ZNF564: variants seen among roughly 807,000 people sequenced by gnomAD.
ZNF564 encodes zinc finger protein 564.
A neutral mutation model predicts 10.5 loss-of-function variants in ZNF564; 5 were observed. That is an observed-to-expected ratio of 0.48 (90% CI 0.25 to 1.00). The LOEUF (loss-of-function observed/expected upper bound fraction) is 1.00. Among genes scored for constraint, ZNF564 ranks in the 50% least tolerant of loss-of-function variants. The probability of loss-of-function intolerance (pLI) is 0.16; values close to 1 mark genes in which losing one functional copy is unlikely to be tolerated. For synonymous variants in ZNF564, 242 were observed against 218.1 expected (o/e 1.11, Z -0.97); for missense variants, 603 against 669.7 (o/e 0.90, Z 1.10).
rs2021697381 is a variant in ZNF564 at position 12,526,929 on chromosome 19, A to C, written c.1179T>G (p.Tyr393Ter). ...HMIKHTGDGP[Y>*]KCQVCGRAFD... ...AGGCTCTACCACATACCTGACATTTATAAGGTCCATCTCCAGTGTGCTTTA... is the reference window on the plus strand; with the variant it reads ...AGGCTCTACCACATACCTGACATTTCTAAGGTCCATCTCCAGTGTGCTTTA... Residue 393 changes from tyrosine to a stop codon, truncating the protein, a stop_gained, in exon 4 of 4, where the codon TAT (tyrosine) becomes TAG (stop). Transcript: ENST00000339282. LOFTEE classifies it low-confidence loss of function (END_TRUNC). 1 of 1,614,040 alleles carries C rather than the reference A, an allele frequency of 6.2e-7. No homozygotes were observed. Among genetic ancestry groups the C allele is most frequent in the African/African-American group, 1.3e-5 (1 of 74,920 alleles).
intron 1 of ZNF564, among the ~76,000 whole-genome samples, chr19:12,535,229 C>T (rs1347995076): frequency 4.0e-5 from 6 of 151,764 alleles, no homozygotes; most frequent in African/African-American, 4.8e-5. Flanking sequence ...AAAAATCAGC[C>T]GGGCATGGTG....
Position 12,531,545 on chromosome 19 carries a change from T to G in ZNF564, c.4-2849A>C, listed in dbSNP as rs188809251. 7.3e-5 allele frequency among the ~76,000 whole-genome samples: 11 copies of G among 151,052 alleles called. 3 individuals carry two copies. Among genetic ancestry groups the G allele is most frequent in the African/African-American group, 2.7e-4 (11 of 41,064 alleles). On this transcript the variant is annotated intron_variant, in intron 1 of 3. Transcript: ENST00000339282. ...TTGTGCCACTGCACTCCAGCCTGGG[T>G]GGCAAGACTCTGTCTCCAAAAAAAA...
intron 1 of ZNF564, among the ~76,000 whole-genome samples, chr19:12,539,557 A>G (rs909024890): frequency 6.6e-6 from 1 of 150,926 alleles, no homozygotes; most frequent in African/African-American, 2.4e-5. Flanking sequence ...AGTCCCAGTT[A>G]CTTGGGAGGC....
intron 1 of ZNF564, among the ~76,000 whole-genome samples, chr19:12,546,158 C>G (rs2022148280): frequency 6.6e-6 from 1 of 152,194 alleles, no homozygotes; most frequent in African/African-American, 2.4e-5. Context: ...AATTCATAAA[C>G]CTTTTCTCCA....
intron 1 of ZNF564, among the ~76,000 whole-genome samples, chr19:12,543,344 G>C (rs2022094251): frequency 7.3e-6 from 1 of 137,156 alleles, no homozygotes; most frequent in Non-Finnish European, 1.6e-5. Flanking sequence ...AGGGGAAGGG[G>C]AAGGGGAAGG....
Position 12,527,829 on chromosome 19 carries a change from G to C in ZNF564, c.279C>G (p.Asn93Lys), listed in dbSNP as rs572507260. 5.6e-6 allele frequency: 9 copies of C among 1,614,076 alleles called. No homozygotes were observed. In the East Asian group the frequency reaches 2.0e-4, roughly 36 times the overall value. The stretch of plus-strand genomic sequence containing the variant: ...GTCTTACTATAGTAGGAATTTTCTT[G>C]TTCAGATTAAGATTGAGAATCTGAC... ...AFSQILNLNL[N>K]KKIPTIVRPC... Residue 93 changes from asparagine to lysine, a missense_variant, in exon 4 of 4, where the codon AAC becomes AAG. Asn to Lys is a moderately conservative substitution (Grantham distance 94). Coordinates refer to ENST00000339282, the MANE Select transcript of ZNF564 (RefSeq NM_144976.4).
In ZNF564 at chr19:12,526,560, A is replaced by G. The variant is rs1204016115; in HGVS notation, c.1548T>C (p.Tyr516=). The part of the protein sequence containing the change: ...ECKQCGKTFS[Y]SSSFQRHERA... ...TTTCATGTCTTTGAAAGGAACTGGA[A>G]TAACTGAACGTTTTTCCACATTGCT... is the stretch of plus-strand genomic sequence containing the variant. The change falls in exon 4 of 4, where the codon TAT becomes TAC. Residue 516 remains tyrosine, a synonymous_variant. Transcript: ENST00000339282. 2 of 1,614,052 alleles carry G rather than the reference A, an allele frequency of 1.2e-6. No individual in the cohort carries two copies. The highest frequency in any genetic ancestry group is 1.7e-6 in the Non-Finnish European group (2 of 1,180,040).
At chr19:12,546,648 G>A (rs900152948) in intron 1 of ZNF564, among the ~76,000 whole-genome samples, 14 of 152,024 alleles carry the variant, frequency 9.2e-5, no homozygotes, top group African/African-American at 3.1e-4. Context: ...GGAGAATGGC[G>A]TGAACCCAGG....
At chr19:12,533,107 A>ATC (rs2021839910) in intron 1 of ZNF564, 1 of 152,220 alleles carries the variant, frequency 6.6e-6, no homozygotes, top group Non-Finnish European at 1.5e-5. Context: ...AATAAACCAA[A>ATC]TACTGGGGCA....
chr19:12,528,530 TTCTC>T, intron 2 of ZNF564, 36 bp downstream of exon 2: 1 of 1,605,350 alleles, frequency 6.2e-7, no homozygotes, highest in Non-Finnish European at 8.5e-7. Flanking sequence ...GAAATACTTC[TTCTC>T]TAACTGACTA....
rs768939400 is a variant in ZNF564, at chr19:12,527,900, C to T, written c.208G>A (p.Gly70Arg). 4.4e-6 allele frequency: 7 copies of T among 1,592,182 alleles called. No individual in the cohort carries two copies. The highest frequency in any genetic ancestry group is 6.0e-6 in the Non-Finnish European group (7 of 1,170,124). Residue 70 changes from glycine (G) to arginine (R), a missense_variant, in exon 4 of 4, where the codon GGA becomes AGA. Gly to Arg is a moderately radical substitution (Grantham distance 125). Coordinates refer to ENST00000339282, the MANE Select transcript of ZNF564 (RefSeq NM_144976.4). ...GRILRNHMEE[G>R]LSESKEYDQC... is the part of the protein sequence containing the mutation. ...TCATATTCTTTACTTTCACTGAGTC[C>T]CTCTTCCATATGATTTCTGGAAAAA...
chr19:12,550,889 GATT>G (rs2022244343), intron 1 of ZNF564, among the ~76,000 whole-genome samples: 1 of 152,160 alleles, frequency 6.6e-6, no homozygotes, highest in Non-Finnish European at 1.5e-5. Flanking sequence ...GTAGGTTTGA[GATT>G]CTTTTTCCAG....
intron 1 of ZNF564, chr19:12,548,981 T>C: frequency 3.0e-6 from 2 of 666,024 alleles, no homozygotes; most frequent in Non-Finnish European, 5.4e-6. Context: ...GAGATTCTTA[T>C]CCGCAGTAGC....
At chr19:12,538,640 TAAA>T (rs998710730) in intron 1 of ZNF564, among the ~76,000 whole-genome samples, 15 of 151,466 alleles carry the variant, frequency 9.9e-5, no homozygotes, top group African/African-American at 3.4e-4. Flanking sequence ...AATAAATAAA[TAAA>T]AAATAAAAAA....
chr19:12,532,724 T>A (rs2021833797), intron 1 of ZNF564, among the ~76,000 whole-genome samples: 1 of 150,964 alleles, frequency 6.6e-6, no homozygotes, highest in African/African-American at 2.4e-5. Context: ...ACTCTGTCTC[T>A]AAAAAAAATA....
At position 12,527,425 on chromosome 19, in the gene ZNF564, T is replaced by G. The variant is rs1235624619; in HGVS notation, c.683A>C (p.Gln228Pro). Residue 228 changes from glutamine to proline, a missense_variant, in exon 4 of 4, where the codon CAG becomes CCG. Transcript: ENST00000339282. Reference sequence around the variant, plus strand: ...AGAAATGAAAGCTTTTGCACATTCCTGACATTCATAGGGTTTCTCTCCAGT... The same window carrying G: ...AGAAATGAAAGCTTTTGCACATTCCGGACATTCATAGGGTTTCTCTCCAGT... Reference protein sequence around the residue: ...THTGEKPYECQECAKAFISLP... With the variant: ...THTGEKPYECPECAKAFISLP... 8.1e-6 allele frequency: 13 copies of G among 1,614,154 alleles called. No homozygotes were observed. The highest frequency in any genetic ancestry group is 1.1e-5 in the Non-Finnish European group (13 of 1,179,984).
At chr19:12,547,478 G>C (rs1478977893) in intron 1 of ZNF564, among the ~76,000 whole-genome samples, 2 of 152,104 alleles carry the variant, frequency 1.3e-5, no homozygotes, top group Non-Finnish European at 2.9e-5. Context: ...TCTTGTATTT[G>C]AGGATGTCTA....
intron 1 of ZNF564, chr19:12,548,593 A>G (rs1329065477): frequency 7.7e-6 from 4 of 521,200 alleles, no homozygotes; most frequent in African/African-American, 3.8e-5. Flanking sequence ...CTCGTGATCC[A>G]CCTGCCTTGG....
At position 12,526,371 on chromosome 19, in the gene ZNF564, G is replaced by A. The variant is rs2145061964; in HGVS notation, c.*75C>T. On this transcript the variant is annotated 3_prime_UTR_variant, in exon 4 of 4. Coordinates refer to ENST00000339282, the MANE Select transcript of ZNF564 (RefSeq NM_144976.4). ...GAGAAAGGGGTGAGCTCCCAAACAA[G>A]TCTGAAACCCAGAAAGCAAACTGAA... 6.9e-7 allele frequency: 1 copy of A among 1,455,948 alleles called. No individual in the cohort carries two copies. Among genetic ancestry groups the A allele is most frequent in the East Asian group, 2.3e-5 (1 of 43,574 alleles). 90.2% of individuals were successfully genotyped at this position (1,455,948 alleles called of 1,614,324 possible). A position where few individuals can be genotyped will look rare whatever the true frequency, so the allele number is the denominator to read the frequency against.
Sources: allele counts gnomAD v4.1 joint callset (sites outside exome capture counted in the v4.1 genomes callset), GRCh38; gene constraint gnomAD v4.1.1; transcripts MANE v1.5; gene names NCBI Gene and HGNC (gene_info 2026-07-23, HGNC 2026-07-21).